Variants in FGF12 observed in about 807,000 individuals in gnomAD.
FGF12 encodes fibroblast growth factor 12B.
Under a neutral mutation model 23.6 loss-of-function variants are expected in FGF12, and 14 were observed. The ratio of observed to expected loss-of-function variants is 0.59; its 90% CI spans 0.39 to 0.93. The LOEUF (loss-of-function observed/expected upper bound fraction) is 0.93, where lower values mean the gene tolerates loss of function less well. FGF12 is among the 40% of genes least tolerant of loss of function. The pLI is 0.00. For missense variants in FGF12, 175 were observed against 217.8 expected, an observed-to-expected ratio of 0.80 and a Z score of 1.24; for synonymous variants, 62 against 77.3, an observed-to-expected ratio of 0.80 and a Z score of 1.04.
rs558827931 is a variant in FGF12 at position 192,722,230 on chromosome 3, A to T, written c.13+4951T>A. 7.9e-5 allele frequency among the ~76,000 whole-genome samples: 12 copies of T among 152,364 alleles called. 1 individual carries two copies. In the East Asian group the frequency reaches 2.1e-3, roughly 27 times the overall value. On this transcript the variant is annotated intron_variant, in intron 2 of 5. Transcript: ENST00000445105. Reference sequence around the variant, plus strand: ...GTAAGAAACTGTATTTCCTACACTCAGTGACTATACATCATGATTTTACTG... The same window carrying T: ...GTAAGAAACTGTATTTCCTACACTCTGTGACTATACATCATGATTTTACTG...
intron 2 of FGF12, among the ~76,000 whole-genome samples, chr3:192,504,680 G>A (rs991860481): frequency 6.6e-6 from 1 of 152,158 alleles, no homozygotes; most frequent in Non-Finnish European, 1.5e-5. Context: ...ACCTCGACCT[G>A]CCTCTACAGG....
Position 192,335,397 on chromosome 3 carries a change from A to G in FGF12, c.192T>C (p.Tyr64=). 6.2e-7 allele frequency: 1 copy of G among 1,613,208 alleles called. No individual in the cohort carries two copies. Among genetic ancestry groups the G allele is most frequent in the Non-Finnish European group, 8.5e-7 (1 of 1,179,366 alleles). ...VAIQGVKASL[Y]VAMNGEGYLY... is the part of the protein sequence containing the mutation. The stretch of plus-strand genomic sequence containing the variant: ...GATAGCCTTCACCATTCATGGCCAC[A>G]TAGAGGCTAGCCTTCACTCCTTGGA... Residue 64 remains tyrosine (Y), a synonymous_variant, in exon 4 of 6, where the codon TAT becomes TAC. Coordinates refer to ENST00000445105, the MANE Select transcript of FGF12 (RefSeq NM_004113.6).
At chr3:192,308,629 G>A (rs895362486) in intron 4 of FGF12, among the ~76,000 whole-genome samples, 3 of 151,270 alleles carry the variant, frequency 2.0e-5, no homozygotes, top group Middle Eastern at 6.8e-3. Flanking sequence ...GCAGTGAGCC[G>A]AGATTGCACC....
At chr3:192,625,268 T>C (rs898684505) in intron 2 of FGF12, among the ~76,000 whole-genome samples, 3 of 152,158 alleles carry the variant, frequency 2.0e-5, no homozygotes, top group African/African-American at 4.8e-5. Flanking sequence ...ATAAATATTA[T>C]ACCAATTCTC....
intron 2 of FGF12, among the ~76,000 whole-genome samples, chr3:192,635,445 G>T (rs185452435): frequency 1.1e-4 from 16 of 152,262 alleles, no homozygotes; most frequent in Admixed American, 1.0e-3. Flanking sequence ...ATATCACAGA[G>T]AATTACTGTT....
chr3:192,562,260 G>A (rs1712075621), intron 2 of FGF12, among the ~76,000 whole-genome samples: 1 of 152,148 alleles, frequency 6.6e-6, no homozygotes, highest in African/African-American at 2.4e-5. Context: ...CTGACTGGAA[G>A]GGATGTGAAG....
At chr3:192,392,189 C>G (rs3108301) in intron 2 of FGF12, among the ~76,000 whole-genome samples, 1 of 151,870 alleles carries the variant, frequency 6.6e-6, no homozygotes, top group East Asian at 1.9e-4. Flanking sequence ...AAAAGACAGA[C>G]TTTGAATTAA....
intron 2 of FGF12, among the ~76,000 whole-genome samples, chr3:192,459,728 T>C (rs752212625): frequency 3.3e-5 from 5 of 152,234 alleles, no homozygotes; most frequent in Non-Finnish European, 7.3e-5. Flanking sequence ...GTTTTGAAGA[T>C]GTATGTGCTT....
intron 2 of FGF12, among the ~76,000 whole-genome samples, chr3:192,554,836 T>C (rs1560148814): frequency 6.6e-6 from 1 of 151,172 alleles, no homozygotes; most frequent in African/African-American, 2.4e-5. Context: ...TCAACAAAAA[T>C]AAAATATTTT....
intron 4 of FGF12, among the ~76,000 whole-genome samples, chr3:192,211,539 C>A (rs1717930841): frequency 6.6e-6 from 1 of 152,106 alleles, no homozygotes; most frequent in Non-Finnish European, 1.5e-5. Flanking sequence ...AGTTCTCCTG[C>A]CTCAGCCTAC....
At chr3:192,439,976 G>GA (rs5855427) in intron 2 of FGF12, among the ~76,000 whole-genome samples, 4,867 of 114,044 alleles carry the variant, frequency 0.043, 189 homozygotes, top group African/African-American at 0.11. Context: ...ACTCCATATG[G>GA]AAAAAAAAAA....
Position 192,426,525 on chromosome 3 carries a change from T to A in FGF12, c.14-65987A>T, listed in dbSNP as rs113591500. 5.0e-3 allele frequency among the ~76,000 whole-genome samples: 762 copies of A among 152,334 alleles called. 4 individuals are homozygous for A. The highest frequency in any genetic ancestry group is 0.018 in the African/African-American group (729 of 41,576). ...ATATTAGGCTTCAAATTTGGAAATC[T>A]GTGTAGCTCTTCAAACAGATGTTAT... On this transcript the variant is annotated intron_variant, in intron 2 of 5. Coordinates refer to ENST00000445105, the MANE Select transcript of FGF12 (RefSeq NM_004113.6).
chr3:192,432,025 G>A (rs897889813), intron 2 of FGF12, among the ~76,000 whole-genome samples: 5 of 151,962 alleles, frequency 3.3e-5, no homozygotes, highest in African/African-American at 9.7e-5. Flanking sequence ...TTCCATCACC[G>A]TTCACCTCGG....
intron 2 of FGF12, among the ~76,000 whole-genome samples, chr3:192,652,313 C>A (rs564308648): frequency 6.6e-6 from 1 of 152,228 alleles, no homozygotes; most frequent in South Asian, 2.1e-4. Context: ...GGGAGCATAG[C>A]AAGGGAAGGC....
At chr3:192,211,695 G>T (rs960571504) in intron 4 of FGF12, among the ~76,000 whole-genome samples, 1 of 151,988 alleles carries the variant, frequency 6.6e-6, no homozygotes, top group African/African-American at 2.4e-5. Context: ...CCAAAGTGCT[G>T]GGATTACAGG....
intron 2 of FGF12, among the ~76,000 whole-genome samples, chr3:192,447,274 TAGA>T (rs1399145139): frequency 6.6e-6 from 1 of 152,116 alleles, no homozygotes; most frequent in Non-Finnish European, 1.5e-5. Flanking sequence ...GGAATATTTG[TAGA>T]AGGAGGGAGA....
chr3:192,357,784 T>C, intron 3 of FGF12, among the ~76,000 whole-genome samples: 1 of 152,138 alleles, frequency 6.6e-6, no homozygotes, highest in Non-Finnish European at 1.5e-5. Flanking sequence ...ACAGCAACAA[T>C]ACATATTTCA....
Position 192,514,072 on chromosome 3 carries a change from T to C in FGF12, c.14-153534A>G, listed in dbSNP as rs900098978. 6.6e-6 allele frequency among the ~76,000 whole-genome samples: 1 copy of C among 152,138 alleles called. No individual in the cohort carries two copies. The highest frequency in any genetic ancestry group is 1.5e-5 in the Non-Finnish European group (1 of 68,034). ...CATTCAAAGGTTCTGATTTTCTTTC[T>C]TTTCCTCCGTGTAGTCTTTCCCAGG... is the stretch of plus-strand genomic sequence containing the variant. On this transcript the variant is annotated intron_variant, in intron 2 of 5. Transcript: ENST00000445105. This position sits in a 1 kb window ranked among gnomAD's most constrained non-coding sequence, Gnocchi z 4.9.
intron 4 of FGF12, among the ~76,000 whole-genome samples, chr3:192,235,544 G>A (rs755845224): frequency 3.9e-5 from 6 of 152,028 alleles, no homozygotes; most frequent in African/African-American, 9.7e-5. Flanking sequence ...GGATGGTCTC[G>A]ATCTCTTGAC....
Sources: allele counts gnomAD v4.1 joint callset (sites outside exome capture counted in the v4.1 genomes callset), GRCh38; gene constraint gnomAD v4.1.1; non-coding constraint Gnocchi (gnomAD v3.1); transcripts MANE v1.5; gene names NCBI Gene and HGNC (gene_info 2026-07-23, HGNC 2026-07-21).